The following CDKAL1 variants were observed in gnomAD, a reference collection of about 807,000 sequenced individuals.
CDKAL1 encodes the protein CDKAL1 threonylcarbamoyladenosine tRNA methylthiotransferase.
A neutral mutation model predicts 68.2 loss-of-function variants in CDKAL1; 32 were observed. That is an observed-to-expected ratio of 0.47 (90% CI 0.35 to 0.63). The LOEUF is 0.63. Ranked by LOEUF, CDKAL1 falls within the 30% of genes least tolerant of loss-of-function variation. The probability of loss-of-function intolerance (pLI) is 0.00; values close to 1 mark genes in which losing one functional copy is unlikely to be tolerated. For missense variants in CDKAL1, 606 were observed against 696.7 expected, an observed-to-expected ratio of 0.87 and a Z score of 1.47; for synonymous variants, 234 against 244.3, an observed-to-expected ratio of 0.96 and a Z score of 0.39.
chr6:20,783,274 T>G (rs1775512701), intron 8 of CDKAL1, among the ~76,000 whole-genome samples: 1 of 152,208 alleles, frequency 6.6e-6, no homozygotes, highest in Non-Finnish European at 1.5e-5. Flanking sequence ...GGCTTTTGGC[T>G]AGACACATGC....
intron 9 of CDKAL1, among the ~76,000 whole-genome samples, chr6:20,899,560 C>T (rs1265364497): frequency 6.6e-6 from 1 of 152,122 alleles, no homozygotes; most frequent in East Asian, 1.9e-4. Flanking sequence ...TTTTTATTCT[C>T]TGGTTGGGTG....
chr6:21,115,688 A>T (rs1562043832), intron 13 of CDKAL1, among the ~76,000 whole-genome samples: 6 of 152,222 alleles, frequency 3.9e-5, no homozygotes, highest in Admixed American at 3.3e-4. Flanking sequence ...CTATTGTTTT[A>T]TTGATACATG....
intron 4 of CDKAL1, among the ~76,000 whole-genome samples, chr6:20,600,777 T>TATATAA: frequency 6.8e-6 from 1 of 147,784 alleles, no homozygotes; most frequent in East Asian, 2.0e-4. Context: ...TATACATATA[T>TATATAA]ATATATATAT....
chr6:20,846,653 A>G (rs1268779264), intron 9 of CDKAL1, among the ~76,000 whole-genome samples: 1 of 152,220 alleles, frequency 6.6e-6, no homozygotes, highest in Non-Finnish European at 1.5e-5. Context: ...CCTTTTAACC[A>G]CATGACTGTC....
intron 15 of CDKAL1, among the ~76,000 whole-genome samples, chr6:21,228,582 C>G (rs563048698): frequency 1.2e-4 from 19 of 152,336 alleles, no homozygotes; most frequent in African/African-American, 3.6e-4. Flanking sequence ...GGTTGCTCAT[C>G]TCATTGGAAT....
chr6:21,030,088 A>G (rs1334398519), intron 11 of CDKAL1, among the ~76,000 whole-genome samples: 2 of 152,222 alleles, frequency 1.3e-5, no homozygotes, highest in Non-Finnish European at 2.9e-5. Context: ...ATGCCCATCA[A>G]TGATAGACTG....
chr6:20,575,907 C>A (rs1452425488), intron 4 of CDKAL1, among the ~76,000 whole-genome samples: 1 of 152,126 alleles, frequency 6.6e-6, no homozygotes, highest in African/African-American at 2.4e-5. Flanking sequence ...ATCTGTCGTG[C>A]CCCTTACCTT....
intron 13 of CDKAL1, among the ~76,000 whole-genome samples, chr6:21,166,059 G>C (rs542580927): frequency 1.3e-5 from 2 of 152,194 alleles, no homozygotes; most frequent in Admixed American, 6.5e-5. Flanking sequence ...TTACCTCATA[G>C]AGTTGCTGTG....
At chr6:20,843,466 T>C (rs965136676) in intron 8 of CDKAL1, among the ~76,000 whole-genome samples, 16 of 152,136 alleles carry the variant, frequency 1.1e-4, no homozygotes, top group African/African-American at 3.9e-4. Context: ...ATTTTTTTTT[T>C]CTTCAGTTTT....
intron 13 of CDKAL1, among the ~76,000 whole-genome samples, chr6:21,172,338 A>C (rs1239002274): frequency 1.3e-5 from 2 of 152,176 alleles, no homozygotes; most frequent in Non-Finnish European, 1.5e-5. Context: ...CCCCGTGGTC[A>C]GGGTTTTCCA....
At chr6:20,743,833 AATTT>A (rs1773557658) in intron 6 of CDKAL1, among the ~76,000 whole-genome samples, 1 of 152,198 alleles carries the variant, frequency 6.6e-6, no homozygotes, top group African/African-American at 2.4e-5. Context: ...AAACCTGTCT[AATTT>A]CTTCACAATG....
chr6:21,180,412 G>A (rs562134956), intron 13 of CDKAL1, among the ~76,000 whole-genome samples: 5 of 147,364 alleles, frequency 3.4e-5, no homozygotes, highest in African/African-American at 7.5e-5. Flanking sequence ...CAAATAATAC[G>A]TCAACTGGAA....
intron 12 of CDKAL1, among the ~76,000 whole-genome samples, chr6:21,080,838 TAAG>T (rs1427973018): frequency 1.3e-5 from 2 of 152,316 alleles, no homozygotes; most frequent in Admixed American, 6.5e-5. Context: ...ATGGTAAAGA[TAAG>T]AAGAAAACCC....
intron 4 of CDKAL1, among the ~76,000 whole-genome samples, chr6:20,570,115 G>T (rs985398664): frequency 7.2e-5 from 11 of 151,812 alleles, no homozygotes; most frequent in Non-Finnish European, 1.3e-4. Context: ...ATTAATTTTT[G>T]TTGTTGTTGT....
rs114403379 is a variant in CDKAL1, at chr6:20,834,766, C to A, written c.639-11309C>A. The stretch of plus-strand genomic sequence containing the variant: ...GTAGTCATGAAATTTAAGGCATTAG[C>A]TTATTGTTTGAGAGTTCTGATGTTA... On this transcript the variant is annotated intron_variant, in intron 8 of 15. Coordinates refer to ENST00000274695, the MANE Select transcript of CDKAL1 (RefSeq NM_017774.3). 3.5e-3 allele frequency among the ~76,000 whole-genome samples: 528 copies of A among 152,228 alleles called. 1 individual carries two copies. The highest frequency in any genetic ancestry group is 5.4e-3 in the Non-Finnish European group (364 of 68,006).
At chr6:21,155,819 C>T (rs1404424640) in intron 13 of CDKAL1, among the ~76,000 whole-genome samples, 1 of 152,108 alleles carries the variant, frequency 6.6e-6, no homozygotes, top group African/African-American at 2.4e-5. Context: ...TCCAAATGTG[C>T]TCCAGAATAT....
At chr6:21,147,088 G>A (rs1260446037) in intron 13 of CDKAL1, among the ~76,000 whole-genome samples, 2 of 152,078 alleles carry the variant, frequency 1.3e-5, no homozygotes, top group South Asian at 2.1e-4. Context: ...CTGGTGGGGG[G>A]GAAGTGAATA....
intron 10 of CDKAL1, among the ~76,000 whole-genome samples, chr6:20,976,549 C>T (rs889455518): frequency 2.6e-5 from 4 of 152,108 alleles, no homozygotes; most frequent in African/African-American, 9.7e-5. Flanking sequence ...CCATAAAGCG[C>T]AATGATCTTA....
chr6:21,048,072 T>C (rs1770341842), intron 11 of CDKAL1, among the ~76,000 whole-genome samples: 1 of 152,150 alleles, frequency 6.6e-6, no homozygotes, highest in African/African-American at 2.4e-5. Context: ...GGAGTTCTTA[T>C]CAAAAATTAG....
Sources: gnomAD v4.1 joint callset for allele counts (sites outside exome capture counted in the v4.1 genomes callset) on GRCh38, gnomAD v4.1.1 for gene constraint, MANE v1.5 for transcripts, NCBI Gene and HGNC (gene_info 2026-07-23, HGNC 2026-07-21) for gene names.